The following FLT4 variants were observed in gnomAD, a reference collection of about 807,000 sequenced individuals.
The protein encoded by FLT4 is fms related receptor tyrosine kinase 4, also known as vascular endothelial growth factor receptor 3.
Under a neutral mutation model 163.2 loss-of-function variants are expected in FLT4, and 30 were observed. The ratio of observed to expected loss-of-function variants is 0.18; its 90% CI spans 0.14 to 0.25. The LOEUF (loss-of-function observed/expected upper bound fraction) is 0.25, where lower values mean the gene tolerates loss of function less well. FLT4 is among the 10% of genes least tolerant of loss of function. The pLI, the probability that FLT4 is intolerant of heterozygous loss-of-function variation, is 1.00. For synonymous variants in FLT4, 884 were observed against 789.5 expected, an observed-to-expected ratio of 1.12 and a Z score of -2.01; for missense variants, 1,510 against 1,863.8, an observed-to-expected ratio of 0.81 and a Z score of 3.50.
At chr5:180,622,362 C>T (rs1429676879) in intron 12 of FLT4, among the ~76,000 whole-genome samples, 2 of 151,912 alleles carry the variant, frequency 1.3e-5, no homozygotes, top group Non-Finnish European at 2.9e-5. Context: ...CTCCTGAGGT[C>T]ACTACCACAT....
chr5:180,631,617 C>T lies in FLT4; in HGVS notation c.155+65G>A, dbSNP rs1764169515. On this transcript the variant is annotated intron_variant, in intron 2 of 29. Transcript: ENST00000261937. The stretch of plus-strand genomic sequence containing the variant: ...AGGGGGCTGCCATCTGGGCCCACAG[C>T]CACCACCTCCTGCCTTGGGCTTGTG... 6 of 1,336,902 alleles carry T rather than the reference C, an allele frequency of 4.5e-6. No homozygotes were observed. The African/African-American group carries it at 8.6e-5, about 19-fold the overall frequency. The allele number at this position is 1,336,902 out of a possible 1,614,324, so 82.8% of individuals were successfully genotyped here.
intron 1 of FLT4, among the ~76,000 whole-genome samples, chr5:180,640,338 G>A (rs944106051): frequency 6.6e-6 from 1 of 152,230 alleles, no homozygotes; most frequent in Admixed American, 6.5e-5. Context: ...GGCCACGTGG[G>A]AGCCCAGTCT....
rs1764201070 is a variant in FLT4 at position 180,631,915 on chromosome 5, GTGGCCTGGCCTCAC to G, written c.59-151_59-138del. 15 of 125,760 alleles carry G rather than the reference GTGGCCTGGCCTCAC, an allele frequency of 1.2e-4. No homozygotes were observed. The Admixed American group carries it at 2.3e-3, about 19-fold the overall frequency. The allele number at this position is 125,760 out of a possible 1,614,324, so 7.8% of individuals were successfully genotyped here. On this transcript the variant is annotated intron_variant, in intron 1 of 29. Transcript: ENST00000261937. ...AGCTCAGGTTCTCAGCCAGCACCGC[GTGGCCTGGCCTCAC>G]CATGTGCGCCGTGAGCAGCACCAGC...
chr5:180,641,233 G>T (rs1262565932), intron 1 of FLT4, among the ~76,000 whole-genome samples: 1 of 152,202 alleles, frequency 6.6e-6, no homozygotes, highest in African/African-American at 2.4e-5. Flanking sequence ...GCACGTGGAG[G>T]GTCCGAGTCA....
At chr5:180,610,921 G>C (rs567924150) in intron 27 of FLT4, among the ~76,000 whole-genome samples, 1 of 152,318 alleles carries the variant, frequency 6.6e-6, no homozygotes, top group African/African-American at 2.4e-5. Context: ...GCCAGGCGTG[G>C]TGGCGGGTGC....
Position 180,619,383 on chromosome 5 carries a change from C to T in FLT4, c.2648-17G>A, listed in dbSNP as rs1342208634. On this transcript the variant is annotated splice_polypyrimidine_tract_variant and intron_variant, in intron 18 of 29. Transcript: ENST00000261937. ...TGGCGCCCTCTGGAGGGGACACGGGCCTCACACCGGCCCCGACCCTGGCAG... is the reference window on the plus strand; with the variant it reads ...TGGCGCCCTCTGGAGGGGACACGGGTCTCACACCGGCCCCGACCCTGGCAG... The T allele has an allele frequency of 1.9e-5, 30 of 1,576,102 alleles. 1 individual carries two copies. In the East Asian group the frequency reaches 6.8e-4, roughly 35 times the overall value.
Position 180,609,894 on chromosome 5 carries a change from A to G in FLT4, c.3807+11T>C, listed in dbSNP as rs1191206061. On this transcript the variant is annotated intron_variant, in intron 28 of 29. Transcript: ENST00000261937. ...GCCGAGAGCGCAGCCCCCACCCTTC[A>G]TGTGAAGTACCACAGAGCCTTTGTA... is the stretch of plus-strand genomic sequence containing the variant. 6.2e-7 allele frequency: 1 copy of G among 1,613,708 alleles called. No homozygotes were observed. Among genetic ancestry groups the G allele is most frequent in the Non-Finnish European group, 8.5e-7 (1 of 1,179,854 alleles).
At chr5:180,606,494 G>A (rs574386814) in intron 29 of FLT4, among the ~76,000 whole-genome samples, 5 of 152,160 alleles carry the variant, frequency 3.3e-5, no homozygotes, top group Non-Finnish European at 4.4e-5. Context: ...GGGTCCTGGC[G>A]TTGAGTCCCC....
chr5:180,622,926 C>CG (rs1044014703), intron 11 of FLT4, 87 bp from the exon 12 acceptor site: 8 of 506,186 alleles, frequency 1.6e-5, no homozygotes, highest in East Asian at 2.9e-5. Flanking sequence ...TCGCTGTGCA[C>CG]CACCCCCCCC....
chr5:180,631,993 C>T lies in FLT4; in HGVS notation c.59-215G>A, dbSNP rs865792126. Among the ~76,000 whole-genome samples the T allele has an allele frequency of 1.6e-4, 25 of 152,262 alleles. 1 individual carries two copies. In the Middle Eastern group the frequency reaches 0.014, roughly 83 times the overall value. On this transcript the variant is annotated intron_variant, in intron 1 of 29. Transcript: ENST00000261937. ...GACAGCCACGAACCTCTCCCACAGG[C>T]GCACCCTGCCTTGCCCCACAGCCCC...
intron 29 of FLT4, chr5:180,608,226 A>T: frequency 2.9e-6 from 2 of 700,818 alleles, no homozygotes; most frequent in Non-Finnish European, 5.2e-6. Context: ...GATCTTTCTT[A>T]TAAGTGCAGA....
Position 180,630,936 on chromosome 5 carries a change from T to G in FLT4, c.156-137A>C. ...AACTGCCCAGGGTTTGGGCGCACAC[T>G]ACAGACCGTGCCCAGGGCAGGGCAC... On this transcript the variant is annotated intron_variant, in intron 2 of 29. Transcript: ENST00000261937. This position sits in a 1 kb window ranked among gnomAD's most constrained non-coding sequence, Gnocchi z 6.3. The G allele has an allele frequency of 9.3e-7, 1 of 1,076,544 alleles. No homozygotes were observed. Among genetic ancestry groups the G allele is most frequent in the Non-Finnish European group, 1.3e-6 (1 of 769,532 alleles). The allele number at this position is 1,076,544 out of a possible 1,614,324, so 66.7% of individuals were successfully genotyped here.
intron 17 of FLT4, 38 bp from the exon 18 acceptor site, chr5:180,619,807 G>C: frequency 6.6e-7 from 1 of 1,505,680 alleles, no homozygotes; most frequent in Non-Finnish European, 9.2e-7. Context: ...TGAGCTGTAC[G>C]GGGTGAGCGT....
rs958505142 is a variant in FLT4, at chr5:180,620,096, A to G, written c.2542+77T>C. On this transcript the variant is annotated intron_variant, in intron 17 of 29. Coordinates refer to ENST00000261937, the MANE Select transcript of FLT4 (RefSeq NM_182925.5). This position sits in a 1 kb window ranked among gnomAD's most constrained non-coding sequence, Gnocchi z 4.4. ...TTCCTGGTGCAAGTTTTGAAAATGG[A>G]GGGATTCAGGCACTCCGGCCTGCAG... is the stretch of plus-strand genomic sequence containing the variant. 5 of 1,524,686 alleles carry G rather than the reference A, an allele frequency of 3.3e-6. No individual in the cohort carries two copies. In the African/African-American group the frequency reaches 4.1e-5, roughly 13 times the overall value. The allele number at this position is 1,524,686 out of a possible 1,614,324, so 94.4% of individuals were successfully genotyped here.
chr5:180,625,859 C>T lies in FLT4; in HGVS notation c.1421+10G>A, dbSNP rs1206530262. 6.2e-7 allele frequency: 1 copy of T among 1,610,428 alleles called. No individual in the cohort carries two copies. Among genetic ancestry groups the T allele is most frequent in the Non-Finnish European group, 8.5e-7 (1 of 1,179,586 alleles). On this transcript the variant is annotated intron_variant, in intron 10 of 29. Transcript: ENST00000261937. ...CTGTGCAGGGGACCTGAGGCTGGAG[C>T]TGTACTCACAGACTACGCTGGGCAA...
chr5:180,637,404 C>G (rs1006204935), intron 1 of FLT4, among the ~76,000 whole-genome samples: 2 of 152,128 alleles, frequency 1.3e-5, no homozygotes, highest in South Asian at 4.1e-4. Flanking sequence ...CACTGCCAGC[C>G]AGGGCCTCAG....
intron 8 of FLT4, among the ~76,000 whole-genome samples, chr5:180,626,811 C>T (rs532199030): frequency 1.3e-5 from 2 of 152,196 alleles, no homozygotes; most frequent in Non-Finnish European, 2.9e-5. Context: ...TTCTTGCTGC[C>T]CACACCCCGC....
At chr5:180,638,570 G>A (rs1295116603) in intron 1 of FLT4, among the ~76,000 whole-genome samples, 4 of 152,128 alleles carry the variant, frequency 2.6e-5, no homozygotes, top group Non-Finnish European at 4.4e-5. Flanking sequence ...CTTCAATCTC[G>A]CCGGTGCACT....
intron 1 of FLT4, among the ~76,000 whole-genome samples, chr5:180,642,192 G>A (rs1241092898): frequency 6.7e-6 from 1 of 149,478 alleles, no homozygotes; most frequent in East Asian, 2.0e-4. Context: ...GGGCGACAGA[G>A]TGAGACTCTG....
Sources: allele counts gnomAD v4.1 joint callset (sites outside exome capture counted in the v4.1 genomes callset), GRCh38; gene constraint gnomAD v4.1.1; non-coding constraint Gnocchi (gnomAD v3.1); transcripts MANE v1.5; gene names NCBI Gene and HGNC (gene_info 2026-07-23, HGNC 2026-07-21).